The following EGFL6 variants were observed in gnomAD, a reference collection of about 807,000 sequenced individuals.
EGFL6 encodes epidermal growth factor-like protein 6.
A neutral mutation model predicts 43.1 loss-of-function variants in EGFL6; 42 were observed. The observed-to-expected ratio is 0.98, with a 90% CI of 0.76 to 1.26. EGFL6 has a LOEUF of 1.26. Ranked by LOEUF, EGFL6 falls within the 50% of genes most tolerant of loss-of-function variation. The pLI, the probability that EGFL6 is intolerant of heterozygous loss-of-function variation, is 0.00. For missense variants in EGFL6, 429 were observed against 427.8 expected, an observed-to-expected ratio of 1.00 and a Z score of -0.02; for synonymous variants, 164 against 163.2, an observed-to-expected ratio of 1.01 and a Z score of -0.04.
At chrX:13,617,402 C>G (rs2045724712) in intron 7 of EGFL6, among the ~76,000 whole-genome samples, 1 of 112,117 alleles carries the variant, frequency 8.9e-6, no homozygotes, top group South Asian at 3.7e-4. Context: ...AAGAATACCA[C>G]AATGAAAGCA....
chrX:13,632,594 G>A (rs1263015326), intron 11 of EGFL6, among the ~76,000 whole-genome samples: 1 of 110,961 alleles, frequency 9.0e-6, no homozygotes, highest in Admixed American at 9.6e-5. Context: ...GTGAGCCACC[G>A]TGCCCGGCCT....
intron 7 of EGFL6, among the ~76,000 whole-genome samples, chrX:13,614,555 A>G (rs768294911): frequency 2.5e-4 from 28 of 112,054 alleles, no homozygotes; most frequent in African/African-American, 7.5e-4. Context: ...TTTTATTCCA[A>G]AGATATGAAA....
intron 10 of EGFL6, among the ~76,000 whole-genome samples, chrX:13,626,279 C>T (rs1265476325): frequency 4.5e-5 from 5 of 111,598 alleles, no homozygotes; most frequent in Admixed American, 1.9e-4. Flanking sequence ...TAGCAGAAGA[C>T]GACCCATTCC....
intron 5 of EGFL6, among the ~76,000 whole-genome samples, chrX:13,604,708 C>T (rs2045650850): frequency 8.9e-6 from 1 of 111,853 alleles, no homozygotes; most frequent in African/African-American, 3.3e-5. Context: ...TTACATTGCA[C>T]CTAATATACA....
At chrX:13,602,494 C>G (rs2045639153) in intron 4 of EGFL6, among the ~76,000 whole-genome samples, 1 of 112,240 alleles carries the variant, frequency 8.9e-6, no homozygotes, top group Non-Finnish European at 1.9e-5. Flanking sequence ...CTGTCATCCT[C>G]AGAGTATTGA....
chrX:13,625,763 G>A (rs1394455735), intron 10 of EGFL6, among the ~76,000 whole-genome samples: 2 of 108,573 alleles, frequency 1.8e-5, no homozygotes. Flanking sequence ...GCATACACCT[G>A]TGATCCCAGC....
Position 13,569,690 on chromosome X carries a change from C to G in EGFL6, c.-172C>G. 2.1e-6 allele frequency: 1 copy of G among 471,226 alleles called. No homozygotes were observed. The highest frequency in any genetic ancestry group is 3.6e-5 in the South Asian group (1 of 27,660). 38.8% of individuals were successfully genotyped at this position (471,226 alleles called of 1,213,427 possible). A position where few individuals can be genotyped will look rare whatever the true frequency, so the allele number is the denominator to read the frequency against. On this transcript the variant is annotated 5_prime_UTR_variant, in exon 1 of 12. Transcript: ENST00000361306. ...CCTCCCCAGGCCGCGAGCGCCCCTGCCGCGGTGCCTGGCCTCCCCTCCCAG... is the reference window on the plus strand; with the variant it reads ...CCTCCCCAGGCCGCGAGCGCCCCTGGCGCGGTGCCTGGCCTCCCCTCCCAG...
intron 7 of EGFL6, among the ~76,000 whole-genome samples, chrX:13,614,778 C>T (rs142073238): frequency 1.9e-5 from 2 of 106,342 alleles, no homozygotes; most frequent in South Asian, 4.4e-4. Flanking sequence ...CATGGAGTCT[C>T]ACTCTGTTGC....
At chrX:13,613,149 A>AATATATATATATATATAT (rs1166418088) in intron 7 of EGFL6, among the ~76,000 whole-genome samples, 2 of 73,551 alleles carry the variant, frequency 2.7e-5, no homozygotes, top group African/African-American at 1.3e-4. Context: ...CATCTCCATA[A>AATATATATATATATATAT]ATATATACAT....
intron 7 of EGFL6, among the ~76,000 whole-genome samples, chrX:13,615,090 A>G (rs970213519): frequency 1.8e-5 from 2 of 112,279 alleles, no homozygotes; most frequent in African/African-American, 3.2e-5. Flanking sequence ...ATGATGCAAT[A>G]ATCAATAAAT....
At chrX:13,597,298 C>G (rs751147091) in intron 3 of EGFL6, among the ~76,000 whole-genome samples, 2 of 111,903 alleles carry the variant, frequency 1.8e-5, no homozygotes, top group Non-Finnish European at 1.9e-5. Context: ...CCACTCCACT[C>G]TACCACTCCC....
intron 3 of EGFL6, among the ~76,000 whole-genome samples, chrX:13,599,549 G>C (rs899435054): frequency 9.1e-6 from 1 of 109,801 alleles, no homozygotes; most frequent in Non-Finnish European, 1.9e-5. Context: ...TTGCTATATA[G>C]TATTCCATTG....
chrX:13,573,193 G>A (rs977505841), intron 1 of EGFL6, among the ~76,000 whole-genome samples: 22 of 111,761 alleles, frequency 2.0e-4, no homozygotes, highest in Non-Finnish European at 1.9e-4. Context: ...TACAGGTTCC[G>A]GGGATTAGGA....
intron 9 of EGFL6, among the ~76,000 whole-genome samples, chrX:13,623,009 A>AC (rs2049113298): frequency 9.2e-6 from 1 of 109,145 alleles, no homozygotes; most frequent in Non-Finnish European, 1.9e-5. Flanking sequence ...ACACAATGAG[A>AC]CCCCCATCTG....
chrX:13,613,131 C>T (rs1421212267), intron 7 of EGFL6, among the ~76,000 whole-genome samples: 1 of 93,580 alleles, frequency 1.1e-5, no homozygotes, highest in Non-Finnish European at 2.0e-5. Context: ...GGCGACCGAG[C>T]GAGACTTCAT....
chrX:13,596,943 G>T (rs2045600746), intron 3 of EGFL6, among the ~76,000 whole-genome samples: 1 of 112,199 alleles, frequency 8.9e-6, no homozygotes, highest in South Asian at 3.7e-4. Context: ...TGGAGCAAGG[G>T]ATATGGTCTT....
chrX:13,624,585 G>A (rs1569210248), intron 10 of EGFL6, among the ~76,000 whole-genome samples: 3 of 111,630 alleles, frequency 2.7e-5, no homozygotes. Context: ...CTTAGTGTTT[G>A]TCTTGCAGAT....
chrX:13,608,711 A>G (rs753325114), intron 7 of EGFL6, among the ~76,000 whole-genome samples: 9 of 112,456 alleles, frequency 8.0e-5, no homozygotes, highest in Non-Finnish European at 1.7e-4. Context: ...TCTGGCCATG[A>G]CATACTTCAA....
intron 4 of EGFL6, among the ~76,000 whole-genome samples, chrX:13,601,975 T>C (rs2045636437): frequency 8.9e-6 from 1 of 112,317 alleles, no homozygotes; most frequent in East Asian, 2.8e-4. Context: ...AATGGAAAGA[T>C]AGAATTAGGT....
Sources: gnomAD v4.1 joint callset for allele counts (sites outside exome capture counted in the v4.1 genomes callset) on GRCh38, gnomAD v4.1.1 for gene constraint, MANE v1.5 for transcripts, NCBI Gene and HGNC (gene_info 2026-07-23, HGNC 2026-07-21) for gene names.